The following GHR variants were observed in gnomAD, a reference collection of about 807,000 sequenced individuals.
GHR encodes growth hormone receptor.
Under a neutral mutation model 67.1 loss-of-function variants are expected in GHR, and 35 were observed. That is an observed-to-expected ratio of 0.52 (90% CI 0.40 to 0.69). The LOEUF (loss-of-function observed/expected upper bound fraction) is 0.69. Among genes scored for constraint, GHR ranks in the 30% least tolerant of loss-of-function variants. The pLI, the probability that GHR is intolerant of heterozygous loss-of-function variation, is 0.00. For synonymous variants in GHR, 272 were observed against 269.1 expected, an observed-to-expected ratio of 1.01 and a Z score of -0.10; for missense variants, 792 against 764.6, an observed-to-expected ratio of 1.04 and a Z score of -0.42.
At chr5:42,695,161 G>A in intron 5 of GHR, 72 bp downstream of exon 5, 1 of 984,960 alleles carries the variant, frequency 1.0e-6, no homozygotes, top group Non-Finnish European at 1.6e-6. Flanking sequence ...CAAGGTCCAA[G>A]TATAATCAAG....
chr5:42,692,699 A>G (rs1429750801), intron 4 of GHR, among the ~76,000 whole-genome samples: 2 of 152,158 alleles, frequency 1.3e-5, no homozygotes, highest in South Asian at 2.1e-4. Context: ...AACAGTCCTC[A>G]TGGGGAACAA....
intron 1 of GHR, among the ~76,000 whole-genome samples, chr5:42,489,821 T>C (rs1271118794): frequency 6.6e-6 from 1 of 152,144 alleles, no homozygotes; most frequent in Non-Finnish European, 1.5e-5. Context: ...TTAAAAAAGG[T>C]AAAGTCATAA....
chr5:42,457,567 T>C (rs1028636273), intron 1 of GHR, among the ~76,000 whole-genome samples: 6 of 152,212 alleles, frequency 3.9e-5, no homozygotes, highest in Admixed American at 6.5e-5. Context: ...ATTTCTCTTA[T>C]TTCAAAATTA....
intron 1 of GHR, among the ~76,000 whole-genome samples, chr5:42,472,694 G>A (rs1015717158): frequency 6.6e-6 from 1 of 152,188 alleles, no homozygotes; most frequent in Non-Finnish European, 1.5e-5. Flanking sequence ...ATAAGGAAGA[G>A]TTTCTAGATA....
intron 1 of GHR, among the ~76,000 whole-genome samples, chr5:42,433,730 GTA>G (rs1743199033): frequency 7.7e-6 from 1 of 129,346 alleles, no homozygotes; most frequent in African/African-American, 2.9e-5. Flanking sequence ...TTAAGATATG[GTA>G]TTTTTTTTTT....
At chr5:42,711,923 C>CG (rs1758479953) in intron 7 of GHR, among the ~76,000 whole-genome samples, 3 of 151,948 alleles carry the variant, frequency 2.0e-5, no homozygotes, top group South Asian at 4.2e-4. Flanking sequence ...TTAAAGGAGA[C>CG]GTGGAACATT....
chr5:42,624,049 T>C (rs1375479857), intron 2 of GHR, among the ~76,000 whole-genome samples: 1 of 152,222 alleles, frequency 6.6e-6, no homozygotes, highest in African/African-American at 2.4e-5. Flanking sequence ...ACCAGCACCC[T>C]TAGCATAAAT....
intron 1 of GHR, among the ~76,000 whole-genome samples, chr5:42,434,838 T>C (rs1041073105): frequency 1.3e-5 from 2 of 152,214 alleles, no homozygotes; most frequent in Non-Finnish European, 2.9e-5. Context: ...ATGTCAACCA[T>C]AGCCAAAGCT....
chr5:42,562,104 C>A (rs376106705), intron 1 of GHR, among the ~76,000 whole-genome samples: 46 of 152,088 alleles, frequency 3.0e-4, no homozygotes, highest in African/African-American at 1.1e-3. Context: ...TTCATGTGTC[C>A]GCACTCTGAC....
intron 3 of GHR, among the ~76,000 whole-genome samples, chr5:42,646,126 A>G (rs557925502): frequency 6.6e-6 from 1 of 151,184 alleles, no homozygotes; most frequent in East Asian, 1.9e-4. Context: ...CATGGAGCAG[A>G]GCAAGTTGAA....
At chr5:42,599,443 C>T (rs1752251912) in intron 2 of GHR, among the ~76,000 whole-genome samples, 1 of 146,972 alleles carries the variant, frequency 6.8e-6, no homozygotes, top group Non-Finnish European at 1.5e-5. Context: ...GCTCACTCAA[C>T]CTCTGCCTCC....
intron 6 of GHR, 149 bp downstream of exon 6, chr5:42,700,151 G>T (rs36201176): frequency 3.1e-6 from 2 of 653,968 alleles, no homozygotes; most frequent in Non-Finnish European, 5.6e-6. Context: ...TTATTTAACC[G>T]GTAAAATATT....
intron 7 of GHR, among the ~76,000 whole-genome samples, chr5:42,712,067 A>C (rs1308494632): frequency 6.6e-6 from 1 of 152,168 alleles, no homozygotes; most frequent in Non-Finnish European, 1.5e-5. Context: ...CAGAAAGTAT[A>C]GAGTATTATT....
intron 3 of GHR, among the ~76,000 whole-genome samples, chr5:42,660,756 A>G (rs932297439): frequency 1.3e-5 from 2 of 152,388 alleles, no homozygotes; most frequent in East Asian, 1.9e-4. Context: ...ACAAAGCTGG[A>G]CGGAGAATGA....
intron 2 of GHR, among the ~76,000 whole-genome samples, chr5:42,584,398 A>G (rs944500533): frequency 2.0e-5 from 3 of 152,194 alleles, no homozygotes; most frequent in Non-Finnish European, 2.9e-5. Flanking sequence ...AAGCCACAGC[A>G]CTGATGCAAA....
At chr5:42,441,442 T>G (rs1422227122) in intron 1 of GHR, among the ~76,000 whole-genome samples, 1 of 151,650 alleles carries the variant, frequency 6.6e-6, no homozygotes, top group Non-Finnish European at 1.5e-5. Context: ...TATAGATAAC[T>G]CAAGATATGT....
chr5:42,680,566 C>T (rs1756811629), intron 3 of GHR, among the ~76,000 whole-genome samples: 2 of 151,540 alleles, frequency 1.3e-5, no homozygotes, highest in South Asian at 2.1e-4. Context: ...TGCAGTGACA[C>T]GATCTCAGCT....
chr5:42,516,813 G>A (rs1747257561), intron 1 of GHR, among the ~76,000 whole-genome samples: 1 of 152,186 alleles, frequency 6.6e-6, no homozygotes, highest in African/African-American at 2.4e-5. Flanking sequence ...CTGGCCAGTT[G>A]CCTCATGTCC....
chr5:42,615,600 T>A (rs896237551), intron 2 of GHR, among the ~76,000 whole-genome samples: 3 of 143,724 alleles, frequency 2.1e-5, no homozygotes, highest in Non-Finnish European at 4.5e-5. Context: ...TTTCAAACAG[T>A]ATGGATGTAT....
Sources: allele counts gnomAD v4.1 joint callset (sites outside exome capture counted in the v4.1 genomes callset), GRCh38; gene constraint gnomAD v4.1.1; transcripts MANE v1.5; gene names NCBI Gene and HGNC (gene_info 2026-07-23, HGNC 2026-07-21).